The following SAMSN1 variants were observed in gnomAD, a reference collection of about 807,000 sequenced individuals.
SAMSN1 encodes the protein SAM domain, SH3 domain and nuclear localization signals 1, also known as SAM domain-containing protein SAMSN-1.
SAMSN1 carries 31 observed loss-of-function variants against 42.0 expected under a neutral mutation model. That is an observed-to-expected ratio of 0.74 (90% confidence interval 0.55 to 1.00). The LOEUF (loss-of-function observed/expected upper bound fraction) is 1.00, where lower values mean the gene tolerates loss of function less well. Ranked by LOEUF, SAMSN1 falls within the 50% of genes least tolerant of loss-of-function variation. The pLI is 0.00. For synonymous variants in SAMSN1, 178 were observed against 151.9 expected, an observed-to-expected ratio of 1.17 and a Z score of -1.26; for missense variants, 464 against 439.4, an observed-to-expected ratio of 1.06 and a Z score of -0.50.
chr21:14,587,448 GT>G (rs1350877382), upstream of SAMSN1, among the ~76,000 whole-genome samples: 1 of 152,074 alleles, frequency 6.6e-6, no homozygotes, highest in African/African-American at 2.4e-5. Context: ...GTGACACCAT[GT>G]TCCTCTGATT....
intron 2 of SAMSN1, among the ~76,000 whole-genome samples, chr21:14,618,399 C>T (rs1018192810): frequency 3.3e-5 from 5 of 152,164 alleles, no homozygotes; most frequent in Non-Finnish European, 5.9e-5. Flanking sequence ...CCAACATCTA[C>T]TTAATTAGAA....
intron 3 of SAMSN1, among the ~76,000 whole-genome samples, chr21:14,512,809 G>A (rs1204276369): frequency 6.6e-6 from 1 of 152,058 alleles, no homozygotes; most frequent in Admixed American, 6.5e-5. Flanking sequence ...AAATTATAAT[G>A]GCTCATTTTT....
chr21:14,523,038 C>T (rs533618442), intron 1 of SAMSN1, among the ~76,000 whole-genome samples: 2 of 152,264 alleles, frequency 1.3e-5, no homozygotes, highest in East Asian at 3.9e-4. Flanking sequence ...CAGACAGTGA[C>T]CCTGGTCAGG....
At chr21:14,613,034 G>T in intron 3 of SAMSN1, 3 of 534,870 alleles carry the variant, frequency 5.6e-6, no homozygotes, top group Non-Finnish European at 1.0e-5. Flanking sequence ...TCTAACCGAG[G>T]TCTACCTATG....
intron 2 of SAMSN1, among the ~76,000 whole-genome samples, chr21:14,618,678 GT>G (rs1982911430): frequency 1.1e-5 from 1 of 94,778 alleles, no homozygotes; most frequent in Admixed American, 9.9e-5. Context: ...GTGTGTGTGT[GT>G]GTGTGTGTGT....
intron 2 of SAMSN1, among the ~76,000 whole-genome samples, chr21:14,632,539 A>G (rs1351117099): frequency 6.6e-6 from 1 of 152,192 alleles, no homozygotes; most frequent in Non-Finnish European, 1.5e-5. Flanking sequence ...GTATAATTGT[A>G]ATACAAATAA....
At chr21:14,587,291 C>G (rs1003581920), upstream of SAMSN1, among the ~76,000 whole-genome samples, 2 of 152,136 alleles carry the variant, frequency 1.3e-5, no homozygotes, top group Non-Finnish European at 2.9e-5. Context: ...TCCTTTTAAT[C>G]TATCTCATCT....
Position 14,512,451 on chromosome 21 carries a change from G to A in SAMSN1, c.402C>T (p.Ser134=), listed in dbSNP as rs1048436849. 4 of 1,613,798 alleles carry A rather than the reference G, an allele frequency of 2.5e-6. No individual in the cohort carries two copies. The Admixed American group carries it at 5.0e-5, about 20-fold the overall frequency. The change falls in exon 4 of 8, where the codon AGC becomes AGT. Residue 134 remains serine, a synonymous_variant. Transcript: ENST00000400566. ...DSMDSLYSGQ[S]SSSGITSCSD... is the part of the protein sequence containing the mutation. ...CTGATTCATTAGCCTTACTTGATGAGCTCTGTCCACTGTAGAGACTATCCA... is the reference window on the plus strand; with the variant it reads ...CTGATTCATTAGCCTTACTTGATGAACTCTGTCCACTGTAGAGACTATCCA...
At chr21:14,638,023 C>T (rs457460) in intron 2 of SAMSN1, among the ~76,000 whole-genome samples, 98,092 of 151,972 alleles carry the variant, frequency 0.65, 32,720 homozygotes, top group Middle Eastern at 0.79. Context: ...ACATAGTAGA[C>T]TTCCCCTTAA....
At chr21:14,583,426 C>A (rs1418878495), upstream of SAMSN1, 2 of 481,504 alleles carry the variant, frequency 4.2e-6, no homozygotes, top group East Asian at 7.6e-5. Flanking sequence ...CTCACTGTGT[C>A]TCGGAGCCCG....
intron 2 of SAMSN1, among the ~76,000 whole-genome samples, chr21:14,560,217 CAG>C (rs1175455287): frequency 7.2e-5 from 11 of 152,086 alleles, no homozygotes; most frequent in Admixed American, 7.2e-4. Flanking sequence ...TTTAGTGAAA[CAG>C]GAATTTGTCA....
At chr21:14,507,050 TA>T (rs1200929618) in intron 5 of SAMSN1, among the ~76,000 whole-genome samples, 6 of 152,118 alleles carry the variant, frequency 3.9e-5, no homozygotes, top group Non-Finnish European at 8.8e-5. Flanking sequence ...CTCAATATAA[TA>T]AAAGCCATCT....
At chr21:14,643,356 A>C (rs1440854256) in intron 1 of SAMSN1, among the ~76,000 whole-genome samples, 1 of 152,218 alleles carries the variant, frequency 6.6e-6, no homozygotes, top group African/African-American at 2.4e-5. Flanking sequence ...TTACAGAGCC[A>C]AGAATTTAAA....
At chr21:14,509,352 T>C (rs1987573152) in intron 5 of SAMSN1, among the ~76,000 whole-genome samples, 1 of 152,122 alleles carries the variant, frequency 6.6e-6, no homozygotes. Context: ...AGCTAAGCTA[T>C]GAAGATGCAA....
chr21:14,546,604 T>C (rs1980406113), upstream of SAMSN1, among the ~76,000 whole-genome samples: 7 of 150,836 alleles, frequency 4.6e-5, no homozygotes, highest in South Asian at 1.5e-3. Flanking sequence ...ATTCCATGGG[T>C]AGAAAAAAGA....
intron 1 of SAMSN1, among the ~76,000 whole-genome samples, chr21:14,656,915 C>A (rs1490684767): frequency 2.6e-5 from 4 of 151,802 alleles, no homozygotes; most frequent in Non-Finnish European, 5.9e-5. Context: ...CATATACCTT[C>A]ATTTTTTTTA....
chr21:14,657,840 T>C (rs1408020574), intron 1 of SAMSN1, among the ~76,000 whole-genome samples: 1 of 151,844 alleles, frequency 6.6e-6, no homozygotes, highest in East Asian at 1.9e-4. Flanking sequence ...GCTCTAAGAT[T>C]AAACCCCTTA....
intron 4 of SAMSN1, among the ~76,000 whole-genome samples, chr21:14,610,312 A>T (rs1982670946): frequency 6.6e-6 from 1 of 152,122 alleles, no homozygotes. Context: ...GTAGCTATGG[A>T]TAGGGATGAA....
In SAMSN1 at chr21:14,485,578, A is replaced by T. The variant is rs1292530320; in HGVS notation, c.*334T>A. ...ATAAATTCAAAACTGGCAGGTATGA[A>T]AAAAGGTTACTTTGTTTTTTGCAGA... On this transcript the variant is annotated 3_prime_UTR_variant, in exon 8 of 8. Transcript: ENST00000400566. 1 of 177,416 alleles carries T rather than the reference A, an allele frequency of 5.6e-6. No individual in the cohort carries two copies. Among genetic ancestry groups the T allele is most frequent in the African/African-American group, 2.4e-5 (1 of 41,890 alleles). The allele number at this position is 177,416 out of a possible 1,614,324, so 11.0% of individuals were successfully genotyped here.
Sources: allele counts gnomAD v4.1 joint callset (sites outside exome capture counted in the v4.1 genomes callset), GRCh38; gene constraint gnomAD v4.1.1; transcripts MANE v1.5; gene names NCBI Gene and HGNC (gene_info 2026-07-23, HGNC 2026-07-21).